The following CFAP20DC variants were observed in gnomAD, a reference collection of about 807,000 sequenced individuals.
CFAP20DC encodes CFAP20 domain containing.
In CFAP20DC, 84 loss-of-function variants were observed where a neutral mutation model predicts 101.7. The ratio of observed to expected loss-of-function variants is 0.83; its 90% CI spans 0.69 to 0.99. The LOEUF is 0.99. Ranked by LOEUF, CFAP20DC falls within the 50% of genes least tolerant of loss-of-function variation. The pLI, the probability that CFAP20DC is intolerant of heterozygous loss-of-function variation, is 0.00. For missense variants in CFAP20DC, 1,007 were observed against 970.3 expected (o/e 1.04, Z -0.50); for synonymous variants, 359 against 351.2 (o/e 1.02, Z -0.25).
intron 10 of CFAP20DC, among the ~76,000 whole-genome samples, chr3:58,867,064 A>T: frequency 6.6e-6 from 1 of 152,142 alleles, no homozygotes; most frequent in Non-Finnish European, 1.5e-5. Context: ...TTTTTGGCCA[A>T]GCTTTTTTCA....
chr3:58,866,513 C>A, intron 11 of CFAP20DC, 53 bp downstream of exon 11: 3 of 1,396,216 alleles, frequency 2.1e-6, no homozygotes, highest in South Asian at 2.9e-5. Flanking sequence ...AAATATTTAC[C>A]ATATTTACAT....
intron 4 of CFAP20DC, among the ~76,000 whole-genome samples, chr3:58,947,015 C>T (rs1414561503): frequency 6.6e-6 from 1 of 152,114 alleles, no homozygotes; most frequent in Non-Finnish European, 1.5e-5. Context: ...TTCAAGGTCT[C>T]ATAGATAGTA....
chr3:58,812,583 A>C (rs758479452), intron 14 of CFAP20DC, among the ~76,000 whole-genome samples: 1 of 151,768 alleles, frequency 6.6e-6, no homozygotes, highest in Non-Finnish European at 1.5e-5. Context: ...GAGGGATAGC[A>C]TTAGGAGATA....
At chr3:58,758,385 T>C (rs1248627373) in intron 15 of CFAP20DC, among the ~76,000 whole-genome samples, 2 of 152,106 alleles carry the variant, frequency 1.3e-5, no homozygotes, top group African/African-American at 4.8e-5. Context: ...ATGCCAGTCT[T>C]AGCTTTAGTT....
intron 15 of CFAP20DC, among the ~76,000 whole-genome samples, chr3:58,784,094 TGC>T (rs1001026350): frequency 6.6e-6 from 1 of 151,794 alleles, no homozygotes; most frequent in African/African-American, 2.4e-5. Flanking sequence ...CAGGCTGAAG[TGC>T]GGCAGCAGTG....
chr3:58,831,579 A>T, intron 14 of CFAP20DC, 107 bp downstream of exon 14: 1 of 789,048 alleles, frequency 1.3e-6, no homozygotes. Context: ...TCTCATAGGG[A>T]GAGTTCTCAT....
intron 5 of CFAP20DC, among the ~76,000 whole-genome samples, chr3:58,933,259 C>A (rs1246038537): frequency 2.0e-5 from 3 of 151,864 alleles, no homozygotes; most frequent in African/African-American, 7.3e-5. Flanking sequence ...CAGGAGCACC[C>A]AGATTCATAA....
intron 15 of CFAP20DC, among the ~76,000 whole-genome samples, chr3:58,804,114 G>C (rs1246695767): frequency 1.3e-5 from 2 of 152,154 alleles, no homozygotes; most frequent in Non-Finnish European, 2.9e-5. Flanking sequence ...AATGAGTCTT[G>C]TAAAAGTCAC....
chr3:58,856,405 C>G (rs1054636689), intron 12 of CFAP20DC, among the ~76,000 whole-genome samples: 2 of 151,940 alleles, frequency 1.3e-5, no homozygotes, highest in Non-Finnish European at 2.9e-5. Flanking sequence ...TGGGCCGTTA[C>G]TTTGTGGCCC....
intron 14 of CFAP20DC, among the ~76,000 whole-genome samples, chr3:58,829,211 T>C (rs541664394): frequency 6.6e-6 from 1 of 150,724 alleles, no homozygotes; most frequent in African/African-American, 2.4e-5. Context: ...TGGGTGCCTG[T>C]AATCCCTGAT....
intron 4 of CFAP20DC, among the ~76,000 whole-genome samples, chr3:58,976,614 T>C (rs1469102015): frequency 6.6e-6 from 1 of 152,204 alleles, no homozygotes; most frequent in Non-Finnish European, 1.5e-5. Flanking sequence ...GGTCCTCTAA[T>C]AACATCTTTT....
At position 59,008,474 on chromosome 3, in the gene CFAP20DC, G is replaced by A. The variant is rs111654173; in HGVS notation, c.278+31083C>T. On this transcript the variant is annotated intron_variant, in intron 4 of 16. Transcript: ENST00000482387. ...TTCGCTATTGACTTGAAGCCTGAAC[G>A]ATAGACTGGATTAAGAAAATGTGGC... 5.3e-3 allele frequency among the ~76,000 whole-genome samples: 800 copies of A among 152,254 alleles called. 6 individuals are homozygous for A. Among genetic ancestry groups the A allele is most frequent in the African/African-American group, 0.019 (770 of 41,514 alleles).
In CFAP20DC at chr3:58,776,216, G is replaced by T. The variant is rs538372953; in HGVS notation, c.2238-22353C>A. 4.6e-5 allele frequency among the ~76,000 whole-genome samples: 7 copies of T among 152,342 alleles called. No individual in the cohort carries two copies. In the East Asian group the frequency reaches 1.2e-3, roughly 25 times the overall value. ...GTTTATAAGCAGTGAGCATAATGCT[G>T]TGGGAGGCCAGAATATGCCACTCCC... On this transcript the variant is annotated intron_variant, in intron 15 of 16. Coordinates refer to ENST00000482387, the MANE Select transcript of CFAP20DC (RefSeq NM_001394063.1).
chr3:58,778,397 G>A (rs1362299221), intron 15 of CFAP20DC, among the ~76,000 whole-genome samples: 1 of 152,094 alleles, frequency 6.6e-6, no homozygotes, highest in African/African-American at 2.4e-5. Flanking sequence ...TGTGAGGTGG[G>A]GCGTTCTCTA....
In CFAP20DC at chr3:58,912,507, G is replaced by C. The variant is rs756388418; in HGVS notation, c.550+1201C>G. On this transcript the variant is annotated intron_variant, in intron 6 of 16. Transcript: ENST00000482387. The surrounding 1 kb of genome is among the most constrained non-coding windows in gnomAD (Gnocchi z 4.4). ...GAGTGAGCCACATCAAGATTTCTCA[G>C]GCACACACCCAGATGGAGCACAAAT... 6.4e-6 allele frequency: 2 copies of C among 314,230 alleles called. No homozygotes were observed. Among genetic ancestry groups the C allele is most frequent in the Non-Finnish European group, 1.2e-5 (2 of 160,020 alleles). The allele number at this position is 314,230 out of a possible 1,614,324, so 19.5% of individuals were successfully genotyped here.
intron 13 of CFAP20DC, among the ~76,000 whole-genome samples, chr3:58,834,383 C>T (rs946767394): frequency 6.6e-6 from 1 of 152,122 alleles, no homozygotes. Flanking sequence ...ATTGCCAATA[C>T]ACACTTTTAC....
At chr3:58,736,767 T>C (rs1311657535) in intron 3 of CFAP20DC, among the ~76,000 whole-genome samples, 1 of 152,222 alleles carries the variant, frequency 6.6e-6, no homozygotes, top group African/African-American at 2.4e-5. Context: ...GTTGGGCTGA[T>C]GAAAACCAAT....
At chr3:58,738,210 A>G (rs2107110182), downstream of CFAP20DC, among the ~76,000 whole-genome samples, 1 of 152,214 alleles carries the variant, frequency 6.6e-6, no homozygotes, top group Middle Eastern at 3.4e-3. This position sits in a 1 kb window ranked among gnomAD's most constrained non-coding sequence, Gnocchi z 4.4. Flanking sequence ...GTTCCAGGGT[A>G]CATGTACAGG....
At chr3:58,768,145 T>G (rs2070492706) in intron 15 of CFAP20DC, among the ~76,000 whole-genome samples, 1 of 152,088 alleles carries the variant, frequency 6.6e-6, no homozygotes, top group South Asian at 2.1e-4. Context: ...GGTCCAGAGG[T>G]GGACACCCAA....
Sources: gnomAD v4.1 joint callset for allele counts (sites outside exome capture counted in the v4.1 genomes callset) on GRCh38, gnomAD v4.1.1 for gene constraint, Gnocchi (gnomAD v3.1) non-coding constraint, MANE v1.5 for transcripts, NCBI Gene and HGNC (gene_info 2026-07-23, HGNC 2026-07-21) for gene names.